Variants in ROR2 observed in about 807,000 individuals in gnomAD.
ROR2 encodes the protein ROR family WNT receptor 2, also known as tyrosine-protein kinase transmembrane receptor ROR2.
Under a neutral mutation model 74.9 loss-of-function variants are expected in ROR2, and 33 were observed. That is an observed-to-expected ratio of 0.44 (90% CI 0.33 to 0.59). The LOEUF (loss-of-function observed/expected upper bound fraction) is 0.59, where lower values mean the gene tolerates loss of function less well. Among genes scored for constraint, ROR2 ranks in the 20% least tolerant of loss-of-function variants. ROR2 has a pLI of 0.02. For synonymous variants in ROR2, 586 were observed against 558.7 expected, an observed-to-expected ratio of 1.05 and a Z score of -0.69; for missense variants, 1,216 against 1,313.8, an observed-to-expected ratio of 0.93 and a Z score of 1.15.
At chr9:91,892,289 G>A (rs1189017907) in intron 1 of ROR2, among the ~76,000 whole-genome samples, 2 of 152,232 alleles carry the variant, frequency 1.3e-5, no homozygotes, top group African/African-American at 4.8e-5. Flanking sequence ...GCACCGGCAG[G>A]TGGGAAACTT....
In ROR2 at chr9:91,733,099, G is replaced by A. The variant is rs533608452; in HGVS notation, c.937+23C>T. ...TACACTCCCTGCGCCCCCCGGTCCC[G>A]CCCCGGGCCCTCGGGCACTCACAGC... On this transcript the variant is annotated intron_variant, in intron 6 of 8. Coordinates refer to ENST00000375708, the MANE Select transcript of ROR2 (RefSeq NM_004560.4). This position sits in a 1 kb window ranked among gnomAD's most constrained non-coding sequence, Gnocchi z 5.7. 2.4e-5 allele frequency: 38 copies of A among 1,568,432 alleles called. 1 individual carries two copies. The highest frequency in any genetic ancestry group is 2.2e-4 in the South Asian group (19 of 86,402).
At chr9:91,888,036 C>T (rs891381790) in intron 1 of ROR2, among the ~76,000 whole-genome samples, 2 of 152,012 alleles carry the variant, frequency 1.3e-5, no homozygotes, top group African/African-American at 2.4e-5. Flanking sequence ...GTGATCTGCC[C>T]GCCTCGGCCT....
chr9:91,792,208 C>A (rs1262283682), intron 1 of ROR2, among the ~76,000 whole-genome samples: 1 of 151,344 alleles, frequency 6.6e-6, no homozygotes, highest in African/African-American at 2.4e-5. Context: ...AAACCTAAAG[C>A]TAGCAGAAGG....
At chr9:91,762,015 G>C (rs1025956500) in intron 2 of ROR2, among the ~76,000 whole-genome samples, 5 of 152,134 alleles carry the variant, frequency 3.3e-5, no homozygotes, top group Admixed American at 6.5e-5. Flanking sequence ...TTCTTTCTTG[G>C]CAATAATTGT....
chr9:91,829,880 C>T (rs1828409685), intron 1 of ROR2, among the ~76,000 whole-genome samples: 1 of 152,188 alleles, frequency 6.6e-6, no homozygotes, highest in African/African-American at 2.4e-5. Context: ...CATCATTAAT[C>T]AATCAACAGA....
chr9:91,764,464 A>C lies in ROR2; in HGVS notation c.176-6905T>G, dbSNP rs575832237. 1.1e-4 allele frequency among the ~76,000 whole-genome samples: 17 copies of C among 152,074 alleles called. No homozygotes were observed. In the South Asian group the frequency reaches 3.3e-3, roughly 30 times the overall value. On this transcript the variant is annotated intron_variant, in intron 2 of 8. Transcript: ENST00000375708. ...CCCTCTGCTTATTTGAAAGTTATAC[A>C]TAAGTGGCTAGCTTAACTACTTTTT...
chr9:91,881,795 G>A (rs924885399), intron 1 of ROR2, among the ~76,000 whole-genome samples: 2 of 152,184 alleles, frequency 1.3e-5, no homozygotes, highest in Admixed American at 1.3e-4. Flanking sequence ...GTAGAGAAAA[G>A]CCCGACAGGG....
chr9:91,900,015 G>A (rs1830632037), intron 1 of ROR2, among the ~76,000 whole-genome samples: 1 of 152,194 alleles, frequency 6.6e-6, no homozygotes, highest in Non-Finnish European at 1.5e-5. Context: ...TGATAATTTA[G>A]TAAAACATTA....
intron 1 of ROR2, among the ~76,000 whole-genome samples, chr9:91,850,996 T>C (rs1223593449): frequency 3.9e-5 from 6 of 152,166 alleles, no homozygotes; most frequent in Non-Finnish European, 8.8e-5. Context: ...TAACATCATT[T>C]ATTTAAAACT....
At position 91,940,691 on chromosome 9, in the gene ROR2, TC is replaced by T. The variant is rs568358825; in HGVS notation, c.97+9175del. Among the ~76,000 whole-genome samples the T allele has an allele frequency of 1.4e-3, 165 of 115,376 alleles. 1 individual carries two copies. Among genetic ancestry groups the T allele is most frequent in the African/African-American group, 6.8e-3 (137 of 20,056 alleles). 75.7% of individuals were successfully genotyped at this position (115,376 alleles called of 152,430 possible). ...CTCACTGTGACCTCTGCCTCCTGGG[TC>T]CAAGTGATCCTCCTGTCTCTGTCTC... On this transcript the variant is annotated intron_variant, in intron 1 of 8. Coordinates refer to ENST00000375708, the MANE Select transcript of ROR2 (RefSeq NM_004560.4).
intron 1 of ROR2, among the ~76,000 whole-genome samples, chr9:91,864,243 A>T (rs1829560171): frequency 6.6e-6 from 1 of 152,184 alleles, no homozygotes; most frequent in African/African-American, 2.4e-5. Context: ...TGGACACTGC[A>T]CCCAGGGAAA....
chr9:91,805,899 T>A (rs1046209022), intron 1 of ROR2, among the ~76,000 whole-genome samples: 1 of 152,184 alleles, frequency 6.6e-6, no homozygotes, highest in African/African-American at 2.4e-5. Context: ...GGGACAAAAC[T>A]GATGGAATCG....
At chr9:91,892,141 A>G (rs1830436979) in intron 1 of ROR2, among the ~76,000 whole-genome samples, 1 of 151,802 alleles carries the variant, frequency 6.6e-6, no homozygotes, top group South Asian at 2.1e-4. Context: ...CTCTAGGCCC[A>G]GATTTTAAGG....
intron 1 of ROR2, among the ~76,000 whole-genome samples, chr9:91,777,371 A>G (rs1452296558): frequency 6.7e-6 from 1 of 148,950 alleles, no homozygotes; most frequent in Admixed American, 6.7e-5. Flanking sequence ...AAACATGGAA[A>G]TAATAACAAC....
At chr9:91,746,730 G>T (rs1413835213) in intron 4 of ROR2, among the ~76,000 whole-genome samples, 1 of 152,160 alleles carries the variant, frequency 6.6e-6, no homozygotes, top group Admixed American at 6.5e-5. Context: ...CTGAAGTCTT[G>T]GAATTAACTG....
intron 1 of ROR2, among the ~76,000 whole-genome samples, chr9:91,855,460 G>C (rs1829249846): frequency 6.6e-6 from 1 of 152,208 alleles, no homozygotes; most frequent in Non-Finnish European, 1.5e-5. Context: ...GAAAAGTCCT[G>C]ATCCCAGGCC....
intron 4 of ROR2, 52 bp from the exon 5 acceptor site, chr9:91,737,570 G>A (rs753748042): frequency 5.6e-6 from 9 of 1,612,844 alleles, no homozygotes; most frequent in African/African-American, 2.7e-5. Flanking sequence ...GCCAGGTCCC[G>A]CCAATGACTT....
intron 8 of ROR2, among the ~76,000 whole-genome samples, chr9:91,726,331 A>G (rs1437332803): frequency 1.3e-5 from 2 of 152,174 alleles, no homozygotes; most frequent in Non-Finnish European, 2.9e-5. Context: ...ACTCTGGGGC[A>G]GTGAATTCCC....
At chr9:91,787,486 CG>C (rs1189625230) in intron 1 of ROR2, among the ~76,000 whole-genome samples, 1 of 151,980 alleles carries the variant, frequency 6.6e-6, no homozygotes, top group Non-Finnish European at 1.5e-5. Context: ...GCCTGGGAGA[CG>C]GAACAAGACT....
Sources: allele counts gnomAD v4.1 joint callset (sites outside exome capture counted in the v4.1 genomes callset), GRCh38; gene constraint gnomAD v4.1.1; non-coding constraint Gnocchi (gnomAD v3.1); transcripts MANE v1.5; gene names NCBI Gene and HGNC (gene_info 2026-07-23, HGNC 2026-07-21).